Variants in STAT2 observed in about 807,000 individuals in gnomAD.
The protein encoded by STAT2 is signal transducer and activator of transcription 2.
A neutral mutation model predicts 122.3 loss-of-function variants in STAT2; 51 were observed. That is an observed-to-expected ratio of 0.42 (90% CI 0.33 to 0.53). STAT2 has a LOEUF of 0.53. STAT2 is among the 20% of genes least tolerant of loss of function. The pLI is 0.10. For missense variants in STAT2, 736 were observed against 1,010.3 expected (o/e 0.73, Z 3.68); for synonymous variants, 351 against 394.9 (o/e 0.89, Z 1.32).
intron 22 of STAT2, among the ~76,000 whole-genome samples, chr12:56,344,769 G>A (rs890989179): frequency 2.6e-5 from 4 of 152,158 alleles, no homozygotes; most frequent in South Asian, 4.1e-4. Context: ...CACTTTGGGA[G>A]GCCAAGGTGG....
At chr12:56,358,818 C>G (rs775264414) in intron 1 of STAT2, among the ~76,000 whole-genome samples, 46 of 152,026 alleles carry the variant, frequency 3.0e-4, no homozygotes, top group Non-Finnish European at 4.9e-4. Context: ...ATGGCTTGTA[C>G]CCAGGAGGCA....
chr12:56,358,585 AG>A (rs1879886844), intron 1 of STAT2, among the ~76,000 whole-genome samples: 1 of 152,176 alleles, frequency 6.6e-6, no homozygotes, highest in Non-Finnish European at 1.5e-5. Flanking sequence ...TTTGGTGGTC[AG>A]GTAAGTACAC....
intron 19 of STAT2, among the ~76,000 whole-genome samples, chr12:56,347,473 G>T (rs1877673492): frequency 6.6e-6 from 1 of 151,972 alleles, no homozygotes; most frequent in Admixed American, 6.6e-5. Context: ...TTACAGGCAT[G>T]AGCAACCACG....
intron 22 of STAT2, among the ~76,000 whole-genome samples, chr12:56,345,104 G>A (rs774314823): frequency 1.4e-5 from 2 of 146,452 alleles, no homozygotes; most frequent in Non-Finnish European, 3.0e-5. Flanking sequence ...AGCCTGGGAG[G>A]CAGAGGTTGC....
chr12:56,346,301 T>G, intron 21 of STAT2, 98 bp from the exon 22 acceptor site: 1 of 1,566,230 alleles, frequency 6.4e-7, no homozygotes, highest in Non-Finnish European at 8.8e-7. Flanking sequence ...CTCATCCCCA[T>G]AGTAACCAGC....
Position 56,354,615 on chromosome 12 carries a change from CT to C in STAT2, c.634-2del, listed in dbSNP as rs1455892979. On this transcript the variant is annotated splice_acceptor_variant, in intron 7 of 23. Coordinates refer to ENST00000314128, the MANE Select transcript of STAT2 (RefSeq NM_005419.4). LOFTEE classifies it high-confidence loss of function. The stretch of plus-strand genomic sequence containing the variant: ...GTGCTTTGGAGGCATCCAGCACCTC[CT>C]GGGAAAGAGATAATGTGAGTGTTGA... 3.1e-6 allele frequency: 5 copies of C among 1,614,132 alleles called. No homozygotes were observed.
intron 8 of STAT2, among the ~76,000 whole-genome samples, chr12:56,352,908 C>T (rs1370736725): frequency 6.6e-6 from 1 of 152,076 alleles, no homozygotes; most frequent in Non-Finnish European, 1.5e-5. Flanking sequence ...CAGCCTCCAA[C>T]ACCTGGGCTC....
intron 8 of STAT2, among the ~76,000 whole-genome samples, chr12:56,354,041 A>ATATAT (rs1491487679): frequency 2.0e-4 from 9 of 44,824 alleles, no homozygotes; most frequent in Non-Finnish European, 5.0e-4. Flanking sequence ...ATATATATAT[A>ATATAT]AAAAATACTG....
intron 22 of STAT2, among the ~76,000 whole-genome samples, chr12:56,345,524 A>AAAAAAATATATATATATATATATATATAT (rs1555169410): frequency 1.5e-4 from 4 of 26,210 alleles, no homozygotes; most frequent in Admixed American, 1.1e-3. Flanking sequence ...AAAAAAAAAA[A>AAAAAAATATATATATATATATATATATAT]ATATATATAT....
rs993925916 is a variant in STAT2 at position 56,343,988 on chromosome 12, C to T, written c.2250G>A (p.Glu750=). The change falls in exon 23 of 24, where the codon GAG becomes GAA. Residue 750 remains glutamate (E), a synonymous_variant. Transcript: ENST00000314128. ...LLKAGLDLGP[E]LESVLESTLE... ...GAGTGGACTCCAGCACAGACTCTAG[C>T]TCTGGCCCCAGATCCAGCCCTGCCT... 2.5e-6 allele frequency: 4 copies of T among 1,614,206 alleles called. No individual in the cohort carries two copies. In the Admixed American group the frequency reaches 5.0e-5, roughly 20 times the overall value.
intron 21 of STAT2, 26 bp from the exon 22 acceptor site, chr12:56,346,229 GAGA>G (rs3832805): frequency 0.058 from 93,531 of 1,613,932 alleles, 3,123 homozygotes; most frequent in Non-Finnish European, 0.066. Flanking sequence ...ACAAGAAGCA[GAGA>G]AGATCAGTGG....
rs1565657762 is a variant in STAT2 at position 56,354,042 on chromosome 12, A to ATATAT, written c.782+423_782+424insATATA. On this transcript the variant is annotated intron_variant, in intron 8 of 23. Coordinates refer to ENST00000314128, the MANE Select transcript of STAT2 (RefSeq NM_005419.4). ...ATATATATATATATATATATATATA[A>ATATAT]AAAATACTGTTAAGCTTAAAAAAAA... 2.2e-4 allele frequency among the ~76,000 whole-genome samples: 7 copies of ATATAT among 32,238 alleles called. 1 individual carries two copies. The highest frequency in any genetic ancestry group is 4.8e-4 in the Non-Finnish European group (4 of 8,276). 21.1% of individuals were successfully genotyped at this position (32,238 alleles called of 152,430 possible).
chr12:56,345,524 A>AAAAAAATAT (rs1555169410), intron 22 of STAT2, among the ~76,000 whole-genome samples: 1 of 26,250 alleles, frequency 3.8e-5, no homozygotes, highest in African/African-American at 5.3e-4. Flanking sequence ...AAAAAAAAAA[A>AAAAAAATAT]ATATATATAT....
rs1879331528 is a variant in STAT2, at chr12:56,355,287, A to G, written c.536T>C (p.Ile179Thr). The G allele has an allele frequency of 6.2e-7, 1 of 1,613,912 alleles. No individual in the cohort carries two copies. The highest frequency in any genetic ancestry group is 1.3e-5 in the African/African-American group (1 of 74,856). The change falls in exon 6 of 24, where the codon ATC becomes ACC. Residue 179 changes from isoleucine (I) to threonine (T), a missense_variant. Physicochemically the swap from Ile to Thr is moderately conservative, Grantham distance 89. Transcript: ENST00000314128. ...QQDVFCFRYK[I>T]QAKGKTPSLD... The stretch of plus-strand genomic sequence containing the variant: ...AATGTGCTTCCTACCTTTGGCCTGG[A>G]TCTTATATCGGAAGCAGAAGACATC...
intron 19 of STAT2, among the ~76,000 whole-genome samples, chr12:56,347,806 A>G (rs1156318217): frequency 6.6e-6 from 1 of 152,126 alleles, no homozygotes; most frequent in Non-Finnish European, 1.5e-5. Context: ...CTGGTCATGA[A>G]TAGCACTTTT....
chr12:56,359,862 A>G (rs572873253), intron 1 of STAT2, among the ~76,000 whole-genome samples, 196 bp downstream of exon 1: 2 of 152,296 alleles, frequency 1.3e-5, no homozygotes, highest in East Asian at 3.9e-4. Flanking sequence ...CAGTTTTGGG[A>G]GAGGGGCATT....
At position 56,351,136 on chromosome 12, in the gene STAT2, G is replaced by A. The variant is rs754488412; in HGVS notation, c.996C>T (p.Leu332=). The A allele has an allele frequency of 1.9e-6, 3 of 1,614,148 alleles. No individual in the cohort carries two copies. The highest frequency in any genetic ancestry group is 1.1e-5 in the South Asian group (1 of 91,056). ...TGAACTTGCTGCCAGTCTTGAGGAT[G>A]AGGGGTCGATGGGGAGTTTGGGGCA... ...PCMPQTPHRP[L]ILKTGSKFTV... is the part of the protein sequence containing the mutation. The change falls in exon 10 of 24, where the codon CTC becomes CTT. Residue 332 remains leucine (L), a synonymous_variant. Transcript: ENST00000314128.
At chr12:56,358,242 CTTTT>C (rs1197874842) in intron 1 of STAT2, among the ~76,000 whole-genome samples, 2 of 132,626 alleles carry the variant, frequency 1.5e-5, no homozygotes, top group Non-Finnish European at 3.3e-5. Context: ...TTTTTTTTTT[CTTTT>C]TTTTTTTTTC....
Position 56,354,520 on chromosome 12 carries a change from T to C in STAT2, c.728A>G (p.Gln243Arg). ...PKLEEWKAQQQKACIRAPIDH... is the reference protein window; with the variant it reads ...PKLEEWKAQQRKACIRAPIDH... ...AATGGGAGCTCTGATGCAGGCTTTT[T>C]GCTGCTGGGCCTTCCACTCCTCCAA... The change falls in exon 8 of 24, where the codon CAA (glutamine) becomes CGA (arginine). Residue 243 changes from glutamine to arginine, a missense_variant. By Grantham distance (43) the Gln-to-Arg change is conservative. Transcript: ENST00000314128. 1 of 1,614,214 alleles carries C rather than the reference T, an allele frequency of 6.2e-7. No homozygotes were observed. The highest frequency in any genetic ancestry group is 8.5e-7 in the Non-Finnish European group (1 of 1,180,038).
Sources: allele counts gnomAD v4.1 joint callset (sites outside exome capture counted in the v4.1 genomes callset), GRCh38; gene constraint gnomAD v4.1.1; transcripts MANE v1.5; gene names NCBI Gene and HGNC (gene_info 2026-07-23, HGNC 2026-07-21).